DCDC1: variants seen among roughly 807,000 people sequenced by gnomAD.
The protein encoded by DCDC1 is doublecortin domain-containing protein 1.
A neutral mutation model predicts 178.3 loss-of-function variants in DCDC1; 200 were observed. That is an observed-to-expected ratio of 1.12 (90% CI 1.00 to 1.26). The LOEUF (loss-of-function observed/expected upper bound fraction) is 1.26, where lower values mean the gene tolerates loss of function less well. Ranked by LOEUF, DCDC1 falls within the 50% of genes most tolerant of loss-of-function variation. The pLI is 0.00. For synonymous variants in DCDC1, 690 were observed against 604.8 expected, an observed-to-expected ratio of 1.14 and a Z score of -2.07; for missense variants, 1,983 against 1,749.2, an observed-to-expected ratio of 1.13 and a Z score of -2.38.
intron 20 of DCDC1, among the ~76,000 whole-genome samples, chr11:31,032,649 G>A (rs942068498): frequency 1.3e-5 from 2 of 151,900 alleles, no homozygotes; most frequent in African/African-American, 2.4e-5. Context: ...ACAAATAACA[G>A]GCATACAAAC....
chr11:31,287,567 C>T (rs2137356753), intron 7 of DCDC1, among the ~76,000 whole-genome samples: 1 of 152,040 alleles, frequency 6.6e-6, no homozygotes, highest in South Asian at 2.1e-4. Flanking sequence ...TAAATGTTTT[C>T]ATCCTTTGTG....
intron 36 of DCDC1, chr11:30,882,427 T>C (rs1470504952): frequency 6.8e-6 from 1 of 146,524 alleles, no homozygotes; most frequent in Non-Finnish European, 1.5e-5. Flanking sequence ...AGTCTTTTTT[T>C]AATGTTATCT....
intron 20 of DCDC1, among the ~76,000 whole-genome samples, chr11:30,969,906 A>G (rs1949683289): frequency 6.6e-6 from 1 of 152,218 alleles, no homozygotes; most frequent in South Asian, 2.1e-4. Flanking sequence ...GAGGGACTTG[A>G]CTAGAGGTAT....
chr11:31,179,887 A>G (rs1178443723), intron 9 of DCDC1, among the ~76,000 whole-genome samples: 5 of 152,256 alleles, frequency 3.3e-5, no homozygotes, highest in African/African-American at 1.2e-4. Context: ...AAAAATTCTC[A>G]ACAAGATATT....
At chr11:31,301,078 T>A (rs2137535016) in intron 6 of DCDC1, among the ~76,000 whole-genome samples, 1 of 152,326 alleles carries the variant, frequency 6.6e-6, no homozygotes, top group East Asian at 1.9e-4. Flanking sequence ...TTTACAGATT[T>A]AAAACTTTGG....
intron 37 of DCDC1, among the ~76,000 whole-genome samples, chr11:30,879,172 AC>A (rs1311989294): frequency 6.6e-6 from 1 of 152,212 alleles, no homozygotes; most frequent in African/African-American, 2.4e-5. Context: ...AATTTCACAT[AC>A]TAAATGTTTT....
At chr11:31,308,615 C>A (rs937305804) in intron 3 of DCDC1, among the ~76,000 whole-genome samples, 15 of 152,022 alleles carry the variant, frequency 9.9e-5, no homozygotes, top group Admixed American at 5.9e-4. Context: ...CAGTTGGTCA[C>A]CCTACTGGTA....
intron 20 of DCDC1, among the ~76,000 whole-genome samples, chr11:31,022,280 A>C (rs1952923762): frequency 6.6e-6 from 1 of 152,032 alleles, no homozygotes; most frequent in Admixed American, 6.6e-5. Context: ...GTGTTTATTG[A>C]CTTACAAGCT....
At chr11:31,267,966 C>T (rs1945282245) in intron 7 of DCDC1, among the ~76,000 whole-genome samples, 1 of 152,142 alleles carries the variant, frequency 6.6e-6, no homozygotes, top group South Asian at 2.1e-4. Context: ...GACAAAAATA[C>T]TCAAGGGAGA....
At chr11:31,198,325 A>C in intron 9 of DCDC1, among the ~76,000 whole-genome samples, 1 of 152,050 alleles carries the variant, frequency 6.6e-6, no homozygotes, top group East Asian at 1.9e-4. Context: ...TTTAGTGATC[A>C]TGGGACTTGT....
At chr11:31,332,343 T>C (rs562107451) in intron 2 of DCDC1, among the ~76,000 whole-genome samples, 8 of 152,160 alleles carry the variant, frequency 5.3e-5, no homozygotes, top group Admixed American at 2.0e-4. Context: ...CCTGGATTCA[T>C]TGGTTTTTTG....
intron 9 of DCDC1, among the ~76,000 whole-genome samples, chr11:31,195,266 C>T (rs1467141912): frequency 6.6e-6 from 1 of 152,084 alleles, no homozygotes. Flanking sequence ...CTGGTTCTTC[C>T]ACTAACGACT....
chr11:31,083,713 T>C (rs1039858104), intron 17 of DCDC1, among the ~76,000 whole-genome samples: 6 of 152,244 alleles, frequency 3.9e-5, no homozygotes, highest in Non-Finnish European at 8.8e-5. Flanking sequence ...GGCTCACGAC[T>C]AATTCAAAAA....
At chr11:31,286,972 A>G (rs948589058) in intron 7 of DCDC1, among the ~76,000 whole-genome samples, 1 of 152,068 alleles carries the variant, frequency 6.6e-6, no homozygotes, top group African/African-American at 2.4e-5. Context: ...ATGTGGTGAA[A>G]TTGATTAACT....
At chr11:31,253,296 A>G (rs1422415567) in intron 8 of DCDC1, among the ~76,000 whole-genome samples, 1 of 151,924 alleles carries the variant, frequency 6.6e-6, no homozygotes, top group Non-Finnish European at 1.5e-5. Flanking sequence ...TTGAATATTA[A>G]TATTTTTGAG....
In DCDC1 at chr11:30,864,368, T is replaced by C. The variant is rs1052850245; in HGVS notation, c.*1005A>G. 4.6e-5 allele frequency: 7 copies of C among 152,258 alleles called. No homozygotes were observed. Among genetic ancestry groups the C allele is most frequent in the Admixed American group, 6.5e-5 (1 of 15,282 alleles). The allele number at this position is 152,258 out of a possible 1,614,324, so 9.4% of individuals were successfully genotyped here. ...TTTTAAGGATATAAGATGTCTAGTT[T>C]ATACCATGACATTTCTTTCATTTGC... is the stretch of plus-strand genomic sequence containing the variant. On this transcript the variant is annotated 3_prime_UTR_variant, in exon 39 of 39. Coordinates refer to ENST00000684477, the MANE Select transcript of DCDC1 (RefSeq NM_001387274.1).
chr11:31,209,469 A>C (rs1271251687), intron 9 of DCDC1, among the ~76,000 whole-genome samples: 1 of 152,248 alleles, frequency 6.6e-6, no homozygotes, highest in Non-Finnish European at 1.5e-5. Flanking sequence ...ATAGAAAGCC[A>C]GTGATTTGAA....
chr11:30,890,255 C>T (rs1429582910), intron 36 of DCDC1, among the ~76,000 whole-genome samples: 1 of 152,220 alleles, frequency 6.6e-6, no homozygotes, highest in Non-Finnish European at 1.5e-5. Flanking sequence ...TATATGGGGT[C>T]TATCATATGC....
At chr11:30,963,402 A>G (rs985089144) in intron 20 of DCDC1, among the ~76,000 whole-genome samples, 1 of 152,004 alleles carries the variant, frequency 6.6e-6, no homozygotes, top group Non-Finnish European at 1.5e-5. Flanking sequence ...CCCCAAATCA[A>G]TTTTCTCTTC....
Sources: allele counts gnomAD v4.1 joint callset (sites outside exome capture counted in the v4.1 genomes callset), GRCh38; gene constraint gnomAD v4.1.1; transcripts MANE v1.5; gene names NCBI Gene and HGNC (gene_info 2026-07-23, HGNC 2026-07-21).